Variants in ADAMTS3 observed in about 807,000 individuals in gnomAD.
ADAMTS3 encodes the protein A disintegrin and metalloproteinase with thrombospondin motifs 3.
In ADAMTS3, 73 loss-of-function variants were observed where a neutral mutation model predicts 129.0. The observed-to-expected ratio is 0.57, with a 90% CI of 0.47 to 0.69. The LOEUF (loss-of-function observed/expected upper bound fraction) is 0.69. Ranked by LOEUF, ADAMTS3 falls within the 30% of genes least tolerant of loss-of-function variation. The pLI is 0.00. For synonymous variants in ADAMTS3, 477 were observed against 510.8 expected (o/e 0.93, Z 0.89); for missense variants, 1,457 against 1,514.5 (o/e 0.96, Z 0.63).
chr4:72,562,632 G>A (rs1220586373), intron 2 of ADAMTS3, among the ~76,000 whole-genome samples: 1 of 152,030 alleles, frequency 6.6e-6, no homozygotes, highest in African/African-American at 2.4e-5. Flanking sequence ...ATAAGAACAT[G>A]CTAAATTATA....
At chr4:72,339,985 C>A (rs1720093626) in intron 4 of ADAMTS3, among the ~76,000 whole-genome samples, 1 of 152,118 alleles carries the variant, frequency 6.6e-6, no homozygotes, top group African/African-American at 2.4e-5. Flanking sequence ...CAGTTTTTCT[C>A]CCAGCAAAGA....
At chr4:72,290,718 C>A in intron 20 of ADAMTS3, 137 bp downstream of exon 20, 1 of 902,094 alleles carries the variant, frequency 1.1e-6, no homozygotes, top group South Asian at 1.6e-5. Context: ...TTTTTCCTAA[C>A]ACCTCCAGGT....
At chr4:72,297,203 T>C (rs1718831650) in intron 18 of ADAMTS3, among the ~76,000 whole-genome samples, 1 of 152,054 alleles carries the variant, frequency 6.6e-6, no homozygotes, top group Non-Finnish European at 1.5e-5. Context: ...ATTGCAATAA[T>C]CGTCCCTCCC....
chr4:72,473,040 A>C (rs1560529175), intron 3 of ADAMTS3, among the ~76,000 whole-genome samples: 1 of 152,212 alleles, frequency 6.6e-6, no homozygotes, highest in Non-Finnish European at 1.5e-5. Flanking sequence ...ATTAAAAATA[A>C]AAAATTAATA....
Position 72,530,031 on chromosome 4 carries a change from A to AATATATTATATTTATATAT in ADAMTS3, c.504+18446_504+18447insATATATAAATATAATATAT, listed in dbSNP as rs1720947454. On this transcript the variant is annotated intron_variant, in intron 3 of 21. Transcript: ENST00000286657. ...ATATAATATATTATATTTATATATA[A>AATATATTATATTTATATAT]ATATAATATATTATATTTATATATA... 1.3e-3 allele frequency among the ~76,000 whole-genome samples: 4 copies of AATATATTATATTTATATAT among 3,092 alleles called. 1 individual carries two copies. Among genetic ancestry groups the AATATATTATATTTATATAT allele is most frequent in the Non-Finnish European group, 1.5e-3 (3 of 2,028 alleles). The allele number at this position is 3,092 out of a possible 152,430, so 2.0% of individuals were successfully genotyped here. A position where few individuals can be genotyped will look rare whatever the true frequency, so the allele number is the denominator to read the frequency against.
In ADAMTS3 at chr4:72,544,831, A is replaced by G. The variant is rs140112216; in HGVS notation, c.504+3647T>C. ...AAGAAAAAGTACTTCCCATGCCTCT[A>G]TTATTTTCTGTTTGTCCAGGTCTAT... On this transcript the variant is annotated intron_variant, in intron 3 of 21. Transcript: ENST00000286657. Among the ~76,000 whole-genome samples the G allele has an allele frequency of 6.9e-4, 105 of 152,260 alleles. No homozygotes were observed. The East Asian group carries it at 0.019, about 28-fold the overall frequency.
At chr4:72,497,451 C>G (rs761771119) in intron 3 of ADAMTS3, among the ~76,000 whole-genome samples, 5 of 151,578 alleles carry the variant, frequency 3.3e-5, no homozygotes, top group Non-Finnish European at 7.4e-5. Context: ...CTATCTATTG[C>G]TTACATTTTT....
chr4:72,532,666 T>C (rs1385888416), intron 3 of ADAMTS3, among the ~76,000 whole-genome samples: 3 of 152,150 alleles, frequency 2.0e-5, no homozygotes, highest in African/African-American at 4.8e-5. Flanking sequence ...CAACCGTACA[T>C]AGTGTATCCT....
chr4:72,465,329 G>A (rs1184026300), intron 3 of ADAMTS3, among the ~76,000 whole-genome samples: 1 of 151,994 alleles, frequency 6.6e-6, no homozygotes, highest in African/African-American at 2.4e-5. Context: ...GAACAAAAAC[G>A]CCAATGTGGC....
At chr4:72,450,443 T>C (rs996418532) in intron 3 of ADAMTS3, among the ~76,000 whole-genome samples, 15 of 151,634 alleles carry the variant, frequency 9.9e-5, no homozygotes, top group African/African-American at 3.6e-4. Context: ...GTAAGAGGCA[T>C]CCAAGTGACA....
intron 16 of ADAMTS3, among the ~76,000 whole-genome samples, chr4:72,304,907 AT>A (rs1014681930): frequency 6.6e-6 from 1 of 152,036 alleles, no homozygotes; most frequent in Admixed American, 6.6e-5. Context: ...GAATTCTAGG[AT>A]GAAAAATAAG....
At chr4:72,544,114 G>A (rs959954767) in intron 3 of ADAMTS3, among the ~76,000 whole-genome samples, 2 of 151,996 alleles carry the variant, frequency 1.3e-5, no homozygotes, top group African/African-American at 4.8e-5. Context: ...GGATGACAAA[G>A]CACCATAAAA....
chr4:72,463,225 G>A (rs1718820519), intron 3 of ADAMTS3, among the ~76,000 whole-genome samples: 1 of 151,948 alleles, frequency 6.6e-6, no homozygotes, highest in South Asian at 2.1e-4. Context: ...GTGTGTATTA[G>A]GCTATGCCAT....
intron 4 of ADAMTS3, among the ~76,000 whole-genome samples, chr4:72,343,828 C>T (rs911141050): frequency 7.2e-5 from 11 of 152,166 alleles, no homozygotes; most frequent in African/African-American, 2.2e-4. Context: ...AAAGGTGATG[C>T]TCACAGTGCC....
chr4:72,565,433 C>T (rs1184560143), intron 2 of ADAMTS3, among the ~76,000 whole-genome samples: 1 of 152,114 alleles, frequency 6.6e-6, no homozygotes, highest in South Asian at 2.1e-4. Flanking sequence ...TGTAGCAGTG[C>T]CTTTACACAT....
At chr4:72,388,007 CTTAT>C in intron 4 of ADAMTS3, among the ~76,000 whole-genome samples, 1 of 152,166 alleles carries the variant, frequency 6.6e-6, no homozygotes, top group East Asian at 1.9e-4. Context: ...CAATATCTGT[CTTAT>C]TTGTCAGTGA....
At chr4:72,441,079 CT>C (rs1718100234) in intron 3 of ADAMTS3, among the ~76,000 whole-genome samples, 1 of 151,754 alleles carries the variant, frequency 6.6e-6, no homozygotes, top group Non-Finnish European at 1.5e-5. Context: ...TTCTTTCTCC[CT>C]TCCCCAGGCA....
chr4:72,511,603 T>C (rs1453517007), intron 3 of ADAMTS3, among the ~76,000 whole-genome samples: 1 of 151,956 alleles, frequency 6.6e-6, no homozygotes, highest in African/African-American at 2.4e-5. Context: ...TATACCCAAA[T>C]GGCAGTAACA....
intron 5 of ADAMTS3, among the ~76,000 whole-genome samples, chr4:72,333,660 C>T (rs1476569854): frequency 6.6e-6 from 1 of 152,044 alleles, no homozygotes; most frequent in East Asian, 1.9e-4. Context: ...AAGATGCTTG[C>T]CTTCTTCTCC....
Sources: allele counts gnomAD v4.1 joint callset (sites outside exome capture counted in the v4.1 genomes callset), GRCh38; gene constraint gnomAD v4.1.1; transcripts MANE v1.5; gene names NCBI Gene and HGNC (gene_info 2026-07-23, HGNC 2026-07-21).